ALDH1A2: variants seen among roughly 807,000 people sequenced by gnomAD.
ALDH1A2 encodes the protein retinal dehydrogenase 2.
ALDH1A2 carries 27 observed loss-of-function variants against 60.3 expected under a neutral mutation model. The observed-to-expected ratio is 0.45, with a 90% CI of 0.33 to 0.62. The LOEUF (loss-of-function observed/expected upper bound fraction) is 0.62, where lower values mean the gene tolerates loss of function less well. ALDH1A2 is among the 20% of genes least tolerant of loss of function. The pLI is 0.02. For missense variants in ALDH1A2, 581 were observed against 643.8 expected, an observed-to-expected ratio of 0.90 and a Z score of 1.06; for synonymous variants, 289 against 232.4, an observed-to-expected ratio of 1.24 and a Z score of -2.21.
intron 7 of ALDH1A2, among the ~76,000 whole-genome samples, chr15:57,973,403 C>T (rs1468559247): frequency 6.6e-6 from 1 of 152,154 alleles, no homozygotes; most frequent in Non-Finnish European, 1.5e-5. Flanking sequence ...TTCTTGTTAA[C>T]TGTTCCAGAC....
chr15:58,010,863 A>G, intron 3 of ALDH1A2, 85 bp from the exon 4 acceptor site: 1 of 1,546,388 alleles, frequency 6.5e-7, no homozygotes, highest in Non-Finnish European at 8.9e-7. Flanking sequence ...AAAAAGGAAG[A>G]GAGAGAATAC....
intron 4 of ALDH1A2, among the ~76,000 whole-genome samples, chr15:58,009,288 C>T (rs1268643401): frequency 4.6e-5 from 7 of 152,020 alleles, no homozygotes; most frequent in African/African-American, 1.2e-4. Context: ...GTTAGACATG[C>T]AGAGTCTCAG....
intron 1 of ALDH1A2, among the ~76,000 whole-genome samples, chr15:58,033,221 TA>T (rs1457351031): frequency 1.3e-5 from 2 of 152,048 alleles, no homozygotes; most frequent in African/African-American, 4.8e-5. Context: ...TTTACCCCCA[TA>T]AATATGTGCA....
intron 1 of ALDH1A2, among the ~76,000 whole-genome samples, chr15:58,054,679 A>T (rs1896852591): frequency 6.6e-6 from 1 of 152,126 alleles, no homozygotes; most frequent in Non-Finnish European, 1.5e-5. Flanking sequence ...TGTAAAATAT[A>T]TTATCCTCAA....
At chr15:57,965,400 G>A (rs527704371) in intron 8 of ALDH1A2, among the ~76,000 whole-genome samples, 2 of 152,272 alleles carry the variant, frequency 1.3e-5, no homozygotes, top group Admixed American at 1.3e-4. Context: ...ATTGAATCTA[G>A]GCAGAGAGAC....
At chr15:58,019,757 C>A (rs571232499) in intron 1 of ALDH1A2, among the ~76,000 whole-genome samples, 1 of 152,248 alleles carries the variant, frequency 6.6e-6, no homozygotes, top group African/African-American at 2.4e-5. Context: ...AGGCACTTAG[C>A]TAACATTAAC....
chr15:57,974,995 A>G (rs1363124465), intron 7 of ALDH1A2, among the ~76,000 whole-genome samples: 1 of 152,272 alleles, frequency 6.6e-6, no homozygotes, highest in Non-Finnish European at 1.5e-5. Flanking sequence ...GAGAATTGGA[A>G]ATTAAAACCA....
intron 7 of ALDH1A2, among the ~76,000 whole-genome samples, chr15:57,973,306 T>G (rs548536424): frequency 6.6e-6 from 1 of 152,246 alleles, no homozygotes; most frequent in Non-Finnish European, 1.5e-5. Flanking sequence ...GAGAAATTAA[T>G]CCCATCTTTA....
intron 4 of ALDH1A2, among the ~76,000 whole-genome samples, chr15:58,006,260 A>G (rs561811939): frequency 3.3e-5 from 5 of 152,084 alleles, no homozygotes; most frequent in African/African-American, 1.2e-4. Context: ...GTGAGAATAT[A>G]AGATATTTGG....
intron 1 of ALDH1A2, among the ~76,000 whole-genome samples, chr15:58,046,156 A>C (rs1166898283): frequency 6.6e-6 from 1 of 152,052 alleles, no homozygotes; most frequent in Non-Finnish European, 1.5e-5. Context: ...AAAGGAATAG[A>C]TATCTCACGG....
At chr15:58,058,634 A>T (rs1428512759) in intron 1 of ALDH1A2, among the ~76,000 whole-genome samples, 1 of 152,168 alleles carries the variant, frequency 6.6e-6, no homozygotes, top group African/African-American at 2.4e-5. Flanking sequence ...ATGATATGCT[A>T]AATTCTTCTA....
chr15:57,960,621 T>C (rs1478243727), intron 12 of ALDH1A2, 149 bp downstream of exon 12: 12 of 700,572 alleles, frequency 1.7e-5, no homozygotes, highest in Non-Finnish European at 3.0e-5. Flanking sequence ...TAACATGTAA[T>C]AGAACTTAGC....
At chr15:57,996,542 A>G (rs187557883) in intron 4 of ALDH1A2, among the ~76,000 whole-genome samples, 237 of 124,630 alleles carry the variant, frequency 1.9e-3, no homozygotes, top group African/African-American at 6.8e-3. Context: ...ACGTCTTTTT[A>G]GTGGCTGCAG....
At chr15:58,004,739 A>G (rs1347058841) in intron 4 of ALDH1A2, among the ~76,000 whole-genome samples, 17 of 148,244 alleles carry the variant, frequency 1.1e-4, no homozygotes, top group African/African-American at 3.5e-4. Flanking sequence ...ACATATATAT[A>G]TATATTTTAT....
At chr15:58,026,811 G>A (rs115214899) in intron 1 of ALDH1A2, among the ~76,000 whole-genome samples, 320 of 152,324 alleles carry the variant, frequency 2.1e-3, no homozygotes, top group African/African-American at 7.5e-3. Flanking sequence ...CAGCCTGGTC[G>A]GAGGAGGGGT....
In ALDH1A2 at chr15:58,001,571, A is replaced by G. The variant is rs111857566; in HGVS notation, c.494-6432T>C. Among the ~76,000 whole-genome samples the G allele has an allele frequency of 5.4e-3, 828 of 152,028 alleles. 4 individuals carry two copies. The highest frequency in any genetic ancestry group is 0.017 in the Middle Eastern group (5 of 294). On this transcript the variant is annotated intron_variant, in intron 4 of 12. Coordinates refer to ENST00000249750, the MANE Select transcript of ALDH1A2 (RefSeq NM_003888.4). ...ACAGTGTTAATTCTCCCTCTCATCT[A>G]TACCTCAGATGATACATAATGAGTA...
chr15:58,059,780 T>A (rs1896975183), intron 1 of ALDH1A2, among the ~76,000 whole-genome samples: 1 of 152,136 alleles, frequency 6.6e-6, no homozygotes. Flanking sequence ...AGGAATCCCA[T>A]TTGGTAAAAA....
At chr15:58,025,829 G>A (rs1006507733) in intron 1 of ALDH1A2, among the ~76,000 whole-genome samples, 1 of 152,188 alleles carries the variant, frequency 6.6e-6, no homozygotes, top group African/African-American at 2.4e-5. Context: ...TGGTGACAGA[G>A]AGAGCAAGAG....
intron 12 of ALDH1A2, among the ~76,000 whole-genome samples, chr15:57,960,469 A>G (rs1209191237): frequency 6.6e-6 from 1 of 152,224 alleles, no homozygotes; most frequent in African/African-American, 2.4e-5. Context: ...GGACCCGAGC[A>G]GTCAAAATTA....
Sources: gnomAD v4.1 joint callset for allele counts (sites outside exome capture counted in the v4.1 genomes callset) on GRCh38, gnomAD v4.1.1 for gene constraint, MANE v1.5 for transcripts, NCBI Gene and HGNC (gene_info 2026-07-23, HGNC 2026-07-21) for gene names.